The following UBE2L3 variants were observed in gnomAD, a reference collection of about 807,000 sequenced individuals.
The protein encoded by UBE2L3 is ubiquitin-conjugating enzyme E2 L3.
UBE2L3 carries 1 observed loss-of-function variant against 17.8 expected under a neutral mutation model. That is an observed-to-expected ratio of 0.06 (90% CI 0.02 to 0.27). UBE2L3 has a LOEUF of 0.27. UBE2L3 is among the 10% of genes least tolerant of loss of function. The pLI is 1.00. For missense variants in UBE2L3, 40 were observed against 192.6 expected (o/e 0.21, Z 4.69); for synonymous variants, 44 against 68.5 (o/e 0.64, Z 1.76).
At chr22:21,594,369 T>C (rs915096405) in intron 2 of UBE2L3, among the ~76,000 whole-genome samples, 6 of 151,840 alleles carry the variant, frequency 4.0e-5, no homozygotes, top group Non-Finnish European at 8.8e-5. Context: ...CTGTAGATGC[T>C]TTCTTCCTGA....
intron 3 of UBE2L3, among the ~76,000 whole-genome samples, chr22:21,616,470 G>A (rs1227745081): frequency 6.6e-6 from 1 of 152,064 alleles, no homozygotes; most frequent in African/African-American, 2.4e-5. Context: ...CCAACGTGGT[G>A]AAACCCCGTC....
upstream of UBE2L3, chr22:21,567,688 T>A (rs1926701794): frequency 1.3e-6 from 2 of 1,556,834 alleles, no homozygotes; most frequent in Non-Finnish European, 8.7e-7. Context: ...GTGCGGGGGC[T>A]CCAGCCGCCC....
intron 3 of UBE2L3, among the ~76,000 whole-genome samples, chr22:21,614,962 T>C (rs1929687210): frequency 6.6e-6 from 1 of 151,554 alleles, no homozygotes; most frequent in Non-Finnish European, 1.5e-5. Context: ...AAGACCAGCC[T>C]GGCCAACATG....
At chr22:21,567,884 G>T in intron 1 of UBE2L3, 113 bp downstream of exon 1, 1 of 1,537,194 alleles carries the variant, frequency 6.5e-7, no homozygotes, top group Admixed American at 2.0e-5. Flanking sequence ...TGCCCTACAC[G>T]GCCTCGTCGG....
intron 3 of UBE2L3, among the ~76,000 whole-genome samples, chr22:21,612,424 C>T (rs935373566): frequency 1.3e-5 from 2 of 152,018 alleles, no homozygotes; most frequent in Admixed American, 6.6e-5. Context: ...CTCCCGAGTT[C>T]GCGCCATTCT....
upstream of UBE2L3, among the ~76,000 whole-genome samples, chr22:21,565,344 G>A (rs1157917714): frequency 2.0e-5 from 3 of 151,380 alleles, no homozygotes; most frequent in South Asian, 2.1e-4. Flanking sequence ...CACCCACCTC[G>A]GCTTCCCAAA....
chr22:21,599,418 T>C (rs1351088960), intron 2 of UBE2L3, among the ~76,000 whole-genome samples: 1 of 151,986 alleles, frequency 6.6e-6, no homozygotes, highest in Non-Finnish European at 1.5e-5. Context: ...CCCCCTACAT[T>C]GATGGGGCTG....
rs767235496 is a variant in UBE2L3, at chr22:21,571,986, C to T, written c.27+4215C>T. ...CTGAGGCTTTGTGAATTGAGAAAAACGTTGCGTCTTTTTTTCTAAATTCAT... is the reference window on the plus strand; with the variant it reads ...CTGAGGCTTTGTGAATTGAGAAAAATGTTGCGTCTTTTTTTCTAAATTCAT... On this transcript the variant is annotated intron_variant, in intron 1 of 3. Coordinates refer to ENST00000342192, the MANE Select transcript of UBE2L3 (RefSeq NM_003347.4). Among the ~76,000 whole-genome samples the T allele has an allele frequency of 3.3e-5, 5 of 152,090 alleles. No homozygotes were observed. In the East Asian group the frequency reaches 5.8e-4, roughly 18 times the overall value.
intron 2 of UBE2L3, among the ~76,000 whole-genome samples, chr22:21,596,136 T>G (rs893760517): frequency 6.6e-6 from 1 of 152,216 alleles, no homozygotes; most frequent in Non-Finnish European, 1.5e-5. Flanking sequence ...AGTGCTGGGA[T>G]TACAAGCGTG....
intron 3 of UBE2L3, among the ~76,000 whole-genome samples, chr22:21,615,026 G>T (rs1004320535): frequency 5.4e-5 from 8 of 148,902 alleles, no homozygotes; most frequent in African/African-American, 2.0e-4. Context: ...GTGGTGGCGG[G>T]CGCCTGTAAT....
chr22:21,586,750 TAG>T (rs1927959536), intron 1 of UBE2L3, among the ~76,000 whole-genome samples: 1 of 151,600 alleles, frequency 6.6e-6, no homozygotes, highest in Non-Finnish European at 1.5e-5. Context: ...GTATTTTTAG[TAG>T]AGACAGTGTT....
Position 21,562,256 on chromosome 22 carries a change from G to A in UBE2L3, c.201+12606G>A, listed in dbSNP as rs577252424. On this transcript the variant is annotated intron_variant, in intron 1 of 3. Transcript: ENST00000458578. ...GTCACCCAGGCTGGAATGCAGTGGC[G>A]TGATCTCGGCTCACTGCAAGCTCCA... 1.7e-3 allele frequency among the ~76,000 whole-genome samples: 259 copies of A among 148,726 alleles called. 1 individual carries two copies. The highest frequency in any genetic ancestry group is 5.7e-3 in the African/African-American group (231 of 40,404).
intron 1 of UBE2L3, among the ~76,000 whole-genome samples, chr22:21,572,201 G>A (rs1170923662): frequency 1.3e-5 from 2 of 151,980 alleles, no homozygotes; most frequent in South Asian, 2.1e-4. Flanking sequence ...TTGGGAGGCC[G>A]AGGTGGGCGG....
intron 1 of UBE2L3, among the ~76,000 whole-genome samples, chr22:21,572,045 C>A (rs1333741454): frequency 6.6e-6 from 1 of 152,026 alleles, no homozygotes; most frequent in Non-Finnish European, 1.5e-5. Context: ...TTCAGCCTCC[C>A]TTAATGGTAT....
intron 1 of UBE2L3, among the ~76,000 whole-genome samples, chr22:21,574,353 T>C (rs976971882): frequency 6.6e-6 from 1 of 152,146 alleles, no homozygotes; most frequent in Non-Finnish European, 1.5e-5. Context: ...ACTTCGTCCG[T>C]GTGTGAAGGT....
At chr22:21,556,958 G>A (rs867860715) in intron 1 of UBE2L3, among the ~76,000 whole-genome samples, 3 of 152,208 alleles carry the variant, frequency 2.0e-5, no homozygotes, top group African/African-American at 7.2e-5. Flanking sequence ...GGAGGCTGAG[G>A]CAGGAGAATT....
Position 21,592,881 on chromosome 22 carries a change from A to G in UBE2L3, c.48A>G (p.Lys16=). 1 of 1,613,278 alleles carries G rather than the reference A, an allele frequency of 6.2e-7. No individual in the cohort carries two copies. ...RLMKELEEIR[K]CGMKNFRNIQ... is the part of the protein sequence containing the mutation. ...AACAGGAGCTTGAAGAAATCCGCAA[A>G]TGTGGGATGAAAAACTTCCGTAACA... The change falls in exon 2 of 4, where the codon AAA becomes AAG. Residue 16 remains lysine, a synonymous_variant. Transcript: ENST00000342192.
At chr22:21,597,774 G>GTTTTTTTTTTT (rs1568981113) in intron 2 of UBE2L3, among the ~76,000 whole-genome samples, 2 of 73,536 alleles carry the variant, frequency 2.7e-5, no homozygotes, top group East Asian at 1.3e-3. Flanking sequence ...TTTATATGTA[G>GTTTTTTTTTTT]ATTTTTTTTT....
chr22:21,586,034 C>T (rs1179474089), intron 1 of UBE2L3, among the ~76,000 whole-genome samples: 2 of 152,152 alleles, frequency 1.3e-5, no homozygotes, highest in Non-Finnish European at 2.9e-5. Context: ...CTTTTGGACT[C>T]AACTGGTCAT....
Sources: allele counts gnomAD v4.1 joint callset (sites outside exome capture counted in the v4.1 genomes callset), GRCh38; gene constraint gnomAD v4.1.1; transcripts MANE v1.5; gene names NCBI Gene and HGNC (gene_info 2026-07-23, HGNC 2026-07-21).